MND1: variants seen among roughly 807,000 people sequenced by gnomAD.
MND1 encodes meiotic nuclear division protein 1 homolog.
MND1 carries 28 observed loss-of-function variants against 35.1 expected under a neutral mutation model. The observed-to-expected ratio is 0.80, with a 90% CI of 0.59 to 1.09. MND1 has a LOEUF of 1.09. Ranked by LOEUF, MND1 falls within the 50% of genes least tolerant of loss-of-function variation. The probability of loss-of-function intolerance (pLI) is 0.00; values close to 1 mark genes in which losing one functional copy is unlikely to be tolerated. For synonymous variants in MND1, 69 were observed against 70.5 expected (o/e 0.98, Z 0.11); for missense variants, 213 against 239.6 (o/e 0.89, Z 0.73).
upstream of MND1, chr4:153,344,661 A>G: frequency 7.3e-7 from 1 of 1,377,418 alleles, no homozygotes; most frequent in South Asian, 1.3e-5. Context: ...TCGGCGCCAA[A>G]ATCAAACGCG....
Position 153,355,717 on chromosome 4 carries a change from T to C in MND1, c.127+6T>C. 1.3e-6 allele frequency: 2 copies of C among 1,536,068 alleles called. No homozygotes were observed. Among genetic ancestry groups the C allele is most frequent in the Non-Finnish European group, 1.8e-6 (2 of 1,112,834 alleles). ...TCCCAAAGAGAAAGGCATTAGTAAG[T>C]ACCAAAGTTATACTGGAATGTTTTG... On this transcript the variant is annotated splice_donor_region_variant and intron_variant, in intron 3 of 7. Coordinates refer to ENST00000240488, the MANE Select transcript of MND1 (RefSeq NM_032117.4).
chr4:153,368,437 A>G (rs1047982784), intron 4 of MND1, among the ~76,000 whole-genome samples: 7 of 152,210 alleles, frequency 4.6e-5, no homozygotes, highest in Admixed American at 1.3e-4. Context: ...GTGTCTTACT[A>G]AAAAATACTC....
At chr4:153,386,714 T>TCAA (rs112753584) in intron 4 of MND1, among the ~76,000 whole-genome samples, 1 of 151,956 alleles carries the variant, frequency 6.6e-6, no homozygotes, top group African/African-American at 2.4e-5. Context: ...AGACTCCATC[T>TCAA]CAACAACAAC....
chr4:153,356,905 C>T (rs1470829327), intron 3 of MND1, among the ~76,000 whole-genome samples: 1 of 152,120 alleles, frequency 6.6e-6, no homozygotes, highest in Non-Finnish European at 1.5e-5. Context: ...ACACTGCAAC[C>T]TCTGTCTCCC....
In MND1 at chr4:153,360,584, A is replaced by ATGTG. The variant is rs141946781; in HGVS notation, c.276+1982_276+1985dup. On this transcript the variant is annotated intron_variant, in intron 4 of 7. Transcript: ENST00000240488. ...TTAGTATAATTTACTTCTTTTCTGT[A>ATGTG]TGTGTGTGTGTGTGTGTGTGTGTAT... Among the ~76,000 whole-genome samples the ATGTG allele has an allele frequency of 4.1e-4, 59 of 145,234 alleles. No individual in the cohort carries two copies. In the East Asian group the frequency reaches 7.8e-3, roughly 19 times the overall value.
intron 4 of MND1, among the ~76,000 whole-genome samples, chr4:153,393,545 A>C (rs1421188930): frequency 6.6e-6 from 1 of 151,594 alleles, no homozygotes; most frequent in Non-Finnish European, 1.5e-5. Context: ...CGCTTGGCTA[A>C]ATTTTTTTGT....
chr4:153,412,120 AT>A (rs1297289052), intron 7 of MND1, among the ~76,000 whole-genome samples: 1 of 152,218 alleles, frequency 6.6e-6, no homozygotes, highest in Non-Finnish European at 1.5e-5. Flanking sequence ...TCATTTTAAT[AT>A]CTGTTGACAT....
At chr4:153,350,433 C>G (rs1462110019) in intron 2 of MND1, among the ~76,000 whole-genome samples, 8 of 152,200 alleles carry the variant, frequency 5.3e-5, no homozygotes, top group Admixed American at 5.2e-4. Flanking sequence ...CCCACATCTC[C>G]TGAGTGCTGC....
chr4:153,347,265 A>C (rs1238673319), intron 1 of MND1, among the ~76,000 whole-genome samples: 1 of 152,146 alleles, frequency 6.6e-6, no homozygotes, highest in Non-Finnish European at 1.5e-5. Flanking sequence ...GCAGTCCTGG[A>C]CCCTAGCTCT....
Position 153,344,727 on chromosome 4 carries a change from G to A in MND1, c.-11G>A. On this transcript the variant is annotated 5_prime_UTR_variant, in exon 1 of 8. Coordinates refer to ENST00000240488, the MANE Select transcript of MND1 (RefSeq NM_032117.4). ...GCGGGCCCGGCCAGCGGAAGCCCCT[G>A]CGCCCGCGCCATGGTAAGGACTGAG... 6.3e-7 allele frequency: 1 copy of A among 1,594,578 alleles called. No individual in the cohort carries two copies. The highest frequency in any genetic ancestry group is 8.5e-7 in the Non-Finnish European group (1 of 1,171,882).
intron 4 of MND1, among the ~76,000 whole-genome samples, chr4:153,359,810 G>T (rs77996328): frequency 7.0e-6 from 1 of 143,844 alleles, no homozygotes; most frequent in Admixed American, 6.9e-5. Context: ...TTTGTGAGAC[G>T]GAGTTTCACT....
chr4:153,348,009 A>G (rs1773115034), intron 1 of MND1, among the ~76,000 whole-genome samples: 1 of 152,108 alleles, frequency 6.6e-6, no homozygotes, highest in Non-Finnish European at 1.5e-5. Context: ...AAGGCAGGGA[A>G]AAAGGTCTTA....
intron 6 of MND1, among the ~76,000 whole-genome samples, chr4:153,404,345 C>CTTT (rs70963176): frequency 1.5e-5 from 2 of 129,734 alleles, no homozygotes; most frequent in Middle Eastern, 4.1e-3. Flanking sequence ...CCACGCCCAG[C>CTTT]TTTTTTTTTT....
chr4:153,354,063 G>A (rs1201512446), intron 2 of MND1, among the ~76,000 whole-genome samples: 3 of 152,072 alleles, frequency 2.0e-5, no homozygotes, highest in African/African-American at 7.2e-5. Flanking sequence ...GTTTCTTCAA[G>A]TGATTTAACT....
At chr4:153,389,240 A>G (rs1029613419) in intron 4 of MND1, among the ~76,000 whole-genome samples, 7 of 152,120 alleles carry the variant, frequency 4.6e-5, no homozygotes, top group Admixed American at 4.6e-4. Context: ...AGGTTTCACC[A>G]GGGACCCGCC....
At chr4:153,353,417 ATATATAT>A (rs1773264515) in intron 2 of MND1, among the ~76,000 whole-genome samples, 1 of 79,692 alleles carries the variant, frequency 1.3e-5, no homozygotes, top group African/African-American at 4.9e-5. Flanking sequence ...ATATATATAT[ATATATAT>A]ATATATATAT....
chr4:153,363,123 G>A, intron 4 of MND1: 1 of 504,848 alleles, frequency 2.0e-6, no homozygotes. Context: ...CTTCACACCT[G>A]TTTTCCTGGT....
chr4:153,379,577 C>T (rs1728610821), intron 4 of MND1, among the ~76,000 whole-genome samples: 2 of 151,552 alleles, frequency 1.3e-5, no homozygotes, highest in Admixed American at 6.6e-5. Flanking sequence ...ATTAGCCAGG[C>T]GTGGTGGCTC....
intron 6 of MND1, among the ~76,000 whole-genome samples, chr4:153,404,631 C>CGTGG (rs1308768265): frequency 6.6e-6 from 1 of 151,758 alleles, no homozygotes; most frequent in Admixed American, 6.6e-5. Context: ...CTCACCACCA[C>CGTGG]GCCTGGCTAA....
Sources: gnomAD v4.1 joint callset for allele counts (sites outside exome capture counted in the v4.1 genomes callset) on GRCh38, gnomAD v4.1.1 for gene constraint, MANE v1.5 for transcripts, NCBI Gene and HGNC (gene_info 2026-07-23, HGNC 2026-07-21) for gene names.